Variants in CNTN5 observed in about 807,000 individuals in gnomAD.
CNTN5 encodes the protein contactin 5.
Under a neutral mutation model 129.1 loss-of-function variants are expected in CNTN5, and 77 were observed. The observed-to-expected ratio is 0.60, with a 90% CI of 0.50 to 0.72. The LOEUF is 0.72. CNTN5 is among the 30% of genes least tolerant of loss of function. The pLI, the probability that CNTN5 is intolerant of heterozygous loss-of-function variation, is 0.00. For missense variants in CNTN5, 1,478 were observed against 1,328.8 expected, an observed-to-expected ratio of 1.11 and a Z score of -1.75; for synonymous variants, 509 against 465.6, an observed-to-expected ratio of 1.09 and a Z score of -1.20.
At chr11:99,094,951 A>G (rs2135330505) in intron 1 of CNTN5, among the ~76,000 whole-genome samples, 1 of 151,974 alleles carries the variant, frequency 6.6e-6, no homozygotes, top group African/African-American at 2.4e-5. Flanking sequence ...AGGCCCCACA[A>G]CCATGCATAT....
rs531868502 is a variant in CNTN5 at position 99,332,904 on chromosome 11, T to C, written c.-71+7420T>C. On this transcript the variant is annotated intron_variant, in intron 2 of 24. Transcript: ENST00000524871. ...TATTGGAATGTTATTTCATGAATGA[T>C]ATAATTCACTTAGCGCAACCGTATT... Among the ~76,000 whole-genome samples, 111 of 152,232 alleles carry C rather than the reference T, an allele frequency of 7.3e-4. 5 individuals carry two copies. The South Asian group carries it at 0.021, about 29-fold the overall frequency.
intron 21 of CNTN5, among the ~76,000 whole-genome samples, chr11:100,327,438 A>G (rs1383563019): frequency 6.6e-6 from 1 of 152,020 alleles, no homozygotes; most frequent in African/African-American, 2.4e-5. Context: ...TGAACTCCCA[A>G]TCATCTCTCA....
At chr11:99,787,906 A>G (rs10893895) in intron 3 of CNTN5, among the ~76,000 whole-genome samples, 42,019 of 151,786 alleles carry the variant, frequency 0.28, 6,295 homozygotes, top group East Asian at 0.5. Flanking sequence ...TCTGATTCCA[A>G]TCACTGTTTA....
chr11:100,037,604 C>T (rs1942094367), intron 9 of CNTN5, among the ~76,000 whole-genome samples: 1 of 151,998 alleles, frequency 6.6e-6, no homozygotes, highest in African/African-American at 2.4e-5. Flanking sequence ...GTCCTGGACT[C>T]TTTTTGCTTG....
intron 1 of CNTN5, among the ~76,000 whole-genome samples, chr11:99,295,837 C>T (rs1400333717): frequency 1.4e-5 from 2 of 142,484 alleles, no homozygotes; most frequent in South Asian, 2.2e-4. Flanking sequence ...GATTGCGCCA[C>T]TGCAGTCCGC....
chr11:99,398,715 A>G (rs987247286), intron 2 of CNTN5, among the ~76,000 whole-genome samples: 3 of 151,946 alleles, frequency 2.0e-5, no homozygotes, highest in Non-Finnish European at 4.4e-5. Context: ...ACAATATTCC[A>G]TTGTATGGAT....
intron 1 of CNTN5, among the ~76,000 whole-genome samples, chr11:99,127,654 T>G (rs1158151062): frequency 6.6e-6 from 1 of 152,212 alleles, no homozygotes; most frequent in African/African-American, 2.4e-5. Context: ...TTCCTATTCC[T>G]TCGGCTCTTT....
chr11:99,929,045 A>G (rs1056224926), intron 7 of CNTN5, among the ~76,000 whole-genome samples: 4 of 152,274 alleles, frequency 2.6e-5, no homozygotes, highest in East Asian at 3.9e-4. Flanking sequence ...TCTCACGTTT[A>G]AAGTTCCACA....
intron 3 of CNTN5, among the ~76,000 whole-genome samples, chr11:99,682,327 A>G (rs1008308023): frequency 1.3e-5 from 2 of 150,630 alleles, no homozygotes; most frequent in Admixed American, 6.6e-5. Context: ...GTGAAAATAG[A>G]AAGATATTAA....
chr11:99,995,531 G>C (rs1269220650), intron 8 of CNTN5, among the ~76,000 whole-genome samples: 1 of 151,972 alleles, frequency 6.6e-6, no homozygotes, highest in African/African-American at 2.4e-5. Context: ...CATGTCCAGT[G>C]TATATGACCT....
intron 3 of CNTN5, among the ~76,000 whole-genome samples, chr11:99,598,333 T>C (rs1950198957): frequency 5.6e-4 from 7 of 12,430 alleles, no homozygotes; most frequent in African/African-American, 2.0e-3. Flanking sequence ...TCTGTCCCTC[T>C]CTCTCTCTCT....
intron 6 of CNTN5, among the ~76,000 whole-genome samples, chr11:99,888,158 T>C (rs753196748): frequency 8.5e-5 from 13 of 152,222 alleles, no homozygotes; most frequent in Non-Finnish European, 1.5e-4. Context: ...GCTCATTATA[T>C]GTTACGAATC....
At chr11:100,159,073 C>A (rs547637285) in intron 13 of CNTN5, among the ~76,000 whole-genome samples, 2 of 151,876 alleles carry the variant, frequency 1.3e-5, no homozygotes, top group South Asian at 2.1e-4. Flanking sequence ...CACAAAGGAG[C>A]ACATACTGTG....
chr11:100,338,379 G>A (rs771149911), intron 21 of CNTN5, among the ~76,000 whole-genome samples: 1 of 152,172 alleles, frequency 6.6e-6, no homozygotes, highest in East Asian at 1.9e-4. Flanking sequence ...ACTGGCCACA[G>A]AGTATAGCAG....
At chr11:100,014,276 C>A (rs758807318) in intron 9 of CNTN5, among the ~76,000 whole-genome samples, 23 of 152,084 alleles carry the variant, frequency 1.5e-4, no homozygotes, top group Non-Finnish European at 2.5e-4. Context: ...TCTAACTCAC[C>A]TCAAACCATT....
In CNTN5 at chr11:99,819,681, T is replaced by G; in HGVS notation, c.193T>G (p.Ser65Ala). Residue 65 changes from serine (S) to alanine (A), a missense_variant, in exon 4 of 25, where the codon TCT becomes GCT. Transcript: ENST00000524871. ...CCCTTCATTAGGAACACTGAGTGCT[T>G]CTTCACCCAGCTGGCTAGGGGCAGC... is the stretch of plus-strand genomic sequence containing the variant. ...SSPSLGTLSASSPSWLGAAQN... is the reference protein window; with the variant it reads ...SSPSLGTLSAASPSWLGAAQN... 6.2e-7 allele frequency: 1 copy of G among 1,612,986 alleles called. No individual in the cohort carries two copies. Among genetic ancestry groups the G allele is most frequent in the Non-Finnish European group, 8.5e-7 (1 of 1,179,840 alleles).
chr11:99,570,953 C>T (rs1487321663), intron 3 of CNTN5, among the ~76,000 whole-genome samples: 1 of 151,986 alleles, frequency 6.6e-6, no homozygotes, highest in Non-Finnish European at 1.5e-5. Context: ...TGTCAAAACC[C>T]TCAAAAGGAA....
intron 18 of CNTN5, among the ~76,000 whole-genome samples, chr11:100,281,101 G>A (rs141036670): frequency 0.018 from 2,712 of 152,084 alleles, 88 homozygotes; most frequent in African/African-American, 0.062. Flanking sequence ...TAGTCTTTCT[G>A]CTTAGGATAA....
chr11:100,225,074 C>A, intron 16 of CNTN5: 1 of 248,574 alleles, frequency 4.0e-6, no homozygotes, highest in Non-Finnish European at 7.9e-6. Context: ...TAACCTAATG[C>A]CAAGGAAATA....
Sources: allele counts gnomAD v4.1 joint callset (sites outside exome capture counted in the v4.1 genomes callset), GRCh38; gene constraint gnomAD v4.1.1; transcripts MANE v1.5; gene names NCBI Gene and HGNC (gene_info 2026-07-23, HGNC 2026-07-21).